Variants in RARB observed in about 807,000 individuals in gnomAD.
The protein encoded by RARB is retinoic acid receptor beta.
RARB carries 17 observed loss-of-function variants against 51.9 expected under a neutral mutation model. That is an observed-to-expected ratio of 0.33 (90% confidence interval 0.22 to 0.49). RARB has a LOEUF of 0.49. Among genes scored for constraint, RARB ranks in the 20% least tolerant of loss-of-function variants. The pLI is 0.99. For missense variants in RARB, 369 were observed against 550.8 expected, an observed-to-expected ratio of 0.67 and a Z score of 3.30; for synonymous variants, 215 against 195.4, an observed-to-expected ratio of 1.10 and a Z score of -0.84.
intron 2 of RARB, among the ~76,000 whole-genome samples, chr3:24,913,866 A>G (rs955437234): frequency 6.6e-6 from 1 of 152,212 alleles, no homozygotes; most frequent in African/African-American, 2.4e-5. Context: ...GTACTCCAGC[A>G]CTTAGTGACA....
intron 3 of RARB, among the ~76,000 whole-genome samples, chr3:25,110,768 T>C (rs1337082142): frequency 5.3e-5 from 8 of 152,196 alleles, no homozygotes; most frequent in Non-Finnish European, 7.3e-5. Flanking sequence ...ACCAATCAAG[T>C]GTTAGTGGTA....
chr3:25,546,825 TAC>T (rs1699638727), intron 3 of RARB, among the ~76,000 whole-genome samples: 1 of 152,236 alleles, frequency 6.6e-6, no homozygotes, highest in Non-Finnish European at 1.5e-5. Flanking sequence ...TTTCTCGGCA[TAC>T]ACACACATAT....
chr3:25,293,556 A>T (rs1032552514), intron 5 of RARB, among the ~76,000 whole-genome samples: 1 of 139,546 alleles, frequency 7.2e-6, no homozygotes, highest in Admixed American at 8.0e-5. Context: ...AGAACACTGG[A>T]CAAGAGAAAA....
intron 2 of RARB, among the ~76,000 whole-genome samples, chr3:25,022,506 ACT>A (rs1697659073): frequency 6.6e-6 from 1 of 151,704 alleles, no homozygotes; most frequent in Admixed American, 6.6e-5. Flanking sequence ...AATTTTAAAA[ACT>A]CTGGTCAAAC....
chr3:25,085,454 G>T (rs1368091217), intron 3 of RARB, among the ~76,000 whole-genome samples: 2 of 152,000 alleles, frequency 1.3e-5, no homozygotes, highest in African/African-American at 2.4e-5. Flanking sequence ...GGGAATTCTT[G>T]GTCTAATTGT....
intron 2 of RARB, among the ~76,000 whole-genome samples, chr3:24,978,899 A>G (rs1187931003): frequency 6.6e-6 from 1 of 152,088 alleles, no homozygotes. Context: ...AGTGCTATAT[A>G]TTTCCCTCTA....
chr3:25,473,499 G>T (rs1240526208), intron 2 of RARB, among the ~76,000 whole-genome samples: 2 of 109,708 alleles, frequency 1.8e-5, no homozygotes, highest in Non-Finnish European at 3.7e-5. Flanking sequence ...CAGCAGTTCT[G>T]TGGCTAGCAC....
At chr3:25,483,181 C>T (rs1696314503) in intron 2 of RARB, among the ~76,000 whole-genome samples, 1 of 152,002 alleles carries the variant, frequency 6.6e-6, no homozygotes, top group Non-Finnish European at 1.5e-5. Context: ...GAGCGAGAGG[C>T]AGAAATGATT....
chr3:25,038,235 C>T (rs1490088915), intron 2 of RARB, among the ~76,000 whole-genome samples: 2 of 152,142 alleles, frequency 1.3e-5, no homozygotes, highest in African/African-American at 4.8e-5. Flanking sequence ...TAAATTGAAC[C>T]TCTTAGGAAG....
chr3:25,044,540 T>G (rs1698176223), intron 2 of RARB, among the ~76,000 whole-genome samples: 1 of 152,184 alleles, frequency 6.6e-6, no homozygotes, highest in Non-Finnish European at 1.5e-5. Flanking sequence ...GTAATCAGCC[T>G]GGGATTGGTG....
intron 2 of RARB, among the ~76,000 whole-genome samples, chr3:24,888,963 C>CAGACT (rs770468156): frequency 6.6e-6 from 1 of 152,154 alleles, no homozygotes; most frequent in African/African-American, 2.4e-5. Flanking sequence ...CAGTAACTGT[C>CAGACT]AGACTAATTT....
At chr3:24,912,284 G>A (rs534751823) in intron 2 of RARB, among the ~76,000 whole-genome samples, 15 of 152,186 alleles carry the variant, frequency 9.9e-5, no homozygotes, top group Admixed American at 7.2e-4. Flanking sequence ...ATCTGATCTC[G>A]GGTAAGTTAG....
At chr3:25,586,368 G>A (rs1199924335) in intron 5 of RARB, among the ~76,000 whole-genome samples, 1 of 152,200 alleles carries the variant, frequency 6.6e-6, no homozygotes, top group Non-Finnish European at 1.5e-5. Context: ...TTGTCTCAGT[G>A]AGAGTAGGAA....
intron 2 of RARB, among the ~76,000 whole-genome samples, chr3:24,932,690 C>G (rs1052494854): frequency 6.6e-6 from 1 of 152,070 alleles, no homozygotes; most frequent in Non-Finnish European, 1.5e-5. Context: ...GCATTGCTTT[C>G]AACAAGTTAT....
intron 1 of RARB, among the ~76,000 whole-genome samples, chr3:25,431,826 G>A (rs1180388048): frequency 6.6e-6 from 1 of 152,062 alleles, no homozygotes; most frequent in Non-Finnish European, 1.5e-5. Context: ...TTTGATTAGG[G>A]AATGAGAAAA....
chr3:24,941,091 C>A (rs1044111249), intron 2 of RARB, among the ~76,000 whole-genome samples: 1 of 151,858 alleles, frequency 6.6e-6, no homozygotes, highest in Non-Finnish European at 1.5e-5. Context: ...ATTGCTGATA[C>A]TTTAATTTAG....
chr3:24,901,493 A>C (rs986211859), intron 2 of RARB, among the ~76,000 whole-genome samples: 2 of 152,180 alleles, frequency 1.3e-5, no homozygotes, highest in Admixed American at 1.3e-4. Flanking sequence ...CTCCTGCCTC[A>C]ACCTCTCTAC....
chr3:25,498,285 T>C (rs1697136829), intron 2 of RARB, among the ~76,000 whole-genome samples: 1 of 152,090 alleles, frequency 6.6e-6, no homozygotes, highest in African/African-American at 2.4e-5. Flanking sequence ...CGCCACACAC[T>C]CTGGGTCCTC....
intron 2 of RARB, among the ~76,000 whole-genome samples, chr3:24,911,024 C>T (rs969347003): frequency 5.9e-5 from 9 of 152,192 alleles, no homozygotes; most frequent in East Asian, 3.9e-4. Flanking sequence ...AATTTCTCTT[C>T]GGCAAGCTGT....
Sources: allele counts gnomAD v4.1 joint callset (sites outside exome capture counted in the v4.1 genomes callset), GRCh38; gene constraint gnomAD v4.1.1; transcripts MANE v1.5; gene names NCBI Gene and HGNC (gene_info 2026-07-23, HGNC 2026-07-21).